The following PASK variants were observed in gnomAD, a reference collection of about 807,000 sequenced individuals.
The protein encoded by PASK is PAS domain-containing serine/threonine-protein kinase.
PASK carries 110 observed loss-of-function variants against 121.0 expected under a neutral mutation model. The ratio of observed to expected loss-of-function variants is 0.91; its 90% CI spans 0.78 to 1.06. PASK has a LOEUF of 1.06. Among genes scored for constraint, PASK ranks in the 50% least tolerant of loss-of-function variants. The pLI, the probability that PASK is intolerant of heterozygous loss-of-function variation, is 0.00. For synonymous variants in PASK, 686 were observed against 717.8 expected (o/e 0.96, Z 0.71); for missense variants, 1,643 against 1,702.3 (o/e 0.97, Z 0.61).
In PASK at chr2:241,127,026, G is replaced by C; in HGVS notation, c.1889C>G (p.Pro630Arg). The C allele has an allele frequency of 6.2e-7, 1 of 1,614,192 alleles. No individual in the cohort carries two copies. Among genetic ancestry groups the C allele is most frequent in the Non-Finnish European group, 8.5e-7 (1 of 1,180,034 alleles). ...WWRSQDLAPS[P>R]SGMAGLSFGT... ...AAACGAGAGGCCTGCCATCCCAGAG[G>C]GGCTGGGGGCCAAGTCCTGGCTTCG... The change falls in exon 10 of 18, where the codon CCC becomes CGC. Residue 630 changes from proline to arginine, a missense_variant. Physicochemically the swap from Pro to Arg is moderately radical, Grantham distance 103. Transcript: ENST00000234040.
chr2:241,114,332 A>T, intron 14 of PASK: 1 of 985,446 alleles, frequency 1.0e-6, no homozygotes, highest in South Asian at 4.7e-5. Flanking sequence ...TTAGAAATCG[A>T]GTTGTCCCCA....
At chr2:241,111,413 C>T (rs756733438) in intron 15 of PASK, among the ~76,000 whole-genome samples, 1 of 152,222 alleles carries the variant, frequency 6.6e-6, no homozygotes, top group African/African-American at 2.4e-5. Context: ...ATTCCAACCA[C>T]ACCTCTCTAA....
chr2:241,115,330 C>A lies in PASK; in HGVS notation c.3156G>T (p.Glu1052Asp). ...GCTCCACCCTGGATAGAATTGCGAT[C>A]TCTAAAGTAACTTTCCCAAGTTTGG... is the stretch of plus-strand genomic sequence containing the variant. Reference protein sequence around the residue: ...EDPKLGKVTLEIAILSRVEHA... With the variant: ...EDPKLGKVTLDIAILSRVEHA... The change falls in exon 13 of 18, where the codon GAG becomes GAT. Residue 1052 changes from glutamate (E) to aspartate (D), a missense_variant. Around this residue, in one of 3 missense-constraint regions of PASK, gnomAD observed 453 missense variants for 511.2 expected, o/e 0.89. Coordinates refer to ENST00000234040, the MANE Select transcript of PASK (RefSeq NM_015148.4). The A allele has an allele frequency of 6.2e-7, 1 of 1,614,022 alleles. No individual in the cohort carries two copies. Among genetic ancestry groups the A allele is most frequent in the South Asian group, 1.1e-5 (1 of 91,088 alleles).
intron 10 of PASK, among the ~76,000 whole-genome samples, chr2:241,125,066 C>T (rs776483232): frequency 6.6e-6 from 1 of 151,886 alleles, no homozygotes; most frequent in Non-Finnish European, 1.5e-5. Context: ...TTTGGGAGGC[C>T]GAGGCAGGTG....
chr2:241,106,712 G>C lies in PASK; in HGVS notation c.3826C>G (p.Leu1276Val). The stretch of plus-strand genomic sequence containing the variant: ...CCCATCTCCAGGCTCGCAGCGGACA[G>C]AACTCCACTTTCTGAAGAAACAAGA... ...FRVNKPESGV[L>V]SAASLEMGNR... Residue 1276 changes from leucine (L) to valine (V), a missense_variant, in exon 18 of 18, where the codon CTG becomes GTG. Leu to Val is a conservative substitution (Grantham distance 32). This residue lies in a region of PASK where 453 missense variants were observed against 511.2 expected (regional missense o/e 0.89). Coordinates refer to ENST00000234040, the MANE Select transcript of PASK (RefSeq NM_015148.4). The C allele has an allele frequency of 6.2e-7, 1 of 1,614,146 alleles. No individual in the cohort carries two copies. Among genetic ancestry groups the C allele is most frequent in the South Asian group, 1.1e-5 (1 of 91,086 alleles).
chr2:241,149,142 G>A (rs1056738920), intron 1 of PASK, among the ~76,000 whole-genome samples: 20 of 151,928 alleles, frequency 1.3e-4, no homozygotes, highest in Admixed American at 7.2e-4. Flanking sequence ...CGCCCACCGG[G>A]CAGGCTACAC....
chr2:241,130,620 G>A (rs140897923), intron 9 of PASK, among the ~76,000 whole-genome samples: 66 of 152,220 alleles, frequency 4.3e-4, no homozygotes, highest in African/African-American at 1.4e-3. Context: ...GAAAACTCAC[G>A]TGTTGAGCGC....
chr2:241,127,643 C>T (rs2065935714), intron 9 of PASK, 192 bp from the exon 10 acceptor site: 2 of 630,612 alleles, frequency 3.2e-6, no homozygotes, highest in Non-Finnish European at 5.7e-6. Context: ...ATTAAGTCCA[C>T]ATTTAGAAAT....
chr2:241,114,715 C>T (rs2065252075), intron 14 of PASK: 2 of 1,339,796 alleles, frequency 1.5e-6, no homozygotes, highest in South Asian at 3.9e-5. Flanking sequence ...CTTTGAGACG[C>T]TCTCTGGCTG....
At chr2:241,110,715 T>C (rs901845259) in intron 15 of PASK, among the ~76,000 whole-genome samples, 3 of 152,028 alleles carry the variant, frequency 2.0e-5, no homozygotes, top group African/African-American at 7.2e-5. Flanking sequence ...GCAGCAGGCA[T>C]CATGGGTCAG....
At chr2:241,133,052 A>G in intron 8 of PASK, 22 bp from the exon 9 acceptor site, 1 of 1,613,640 alleles carries the variant, frequency 6.2e-7, no homozygotes, top group Non-Finnish European at 8.5e-7. Context: ...ACCAAAAAAG[A>G]GCGTTTGCTC....
At chr2:241,132,339 A>G (rs2871578) in intron 9 of PASK, among the ~76,000 whole-genome samples, 46,431 of 151,290 alleles carry the variant, frequency 0.31, 7,976 homozygotes, top group African/African-American at 0.47. Flanking sequence ...CCTGGCCAAC[A>G]TGGTGAAACT....
At chr2:241,121,352 T>C (rs2065599854) in intron 12 of PASK, among the ~76,000 whole-genome samples, 1 of 152,166 alleles carries the variant, frequency 6.6e-6, no homozygotes, top group Non-Finnish European at 1.5e-5. Context: ...TATATCTCAA[T>C]ACCGATGCCA....
Position 241,112,704 on chromosome 2 carries a change from G to A in PASK, c.3334-265C>T. 1 of 428,672 alleles carries A rather than the reference G, an allele frequency of 2.3e-6. No homozygotes were observed. The highest frequency in any genetic ancestry group is 4.3e-6 in the Non-Finnish European group (1 of 234,262). 26.6% of individuals were successfully genotyped at this position (428,672 alleles called of 1,614,324 possible). ...ATGAGACTCGTGAGTTCTGTTTGCTGCTGAGAAAAGCTTCCCAGCAGACAC... is the reference window on the plus strand; with the variant it reads ...ATGAGACTCGTGAGTTCTGTTTGCTACTGAGAAAAGCTTCCCAGCAGACAC... On this transcript the variant is annotated intron_variant, in intron 14 of 17. Coordinates refer to ENST00000234040, the MANE Select transcript of PASK (RefSeq NM_015148.4). The surrounding 1 kb of genome is among the most constrained non-coding windows in gnomAD (Gnocchi z 5.2).
chr2:241,124,226 A>T, intron 10 of PASK, 93 bp from the exon 11 acceptor site: 2 of 996,104 alleles, frequency 2.0e-6, no homozygotes, highest in Non-Finnish European at 3.1e-6. Flanking sequence ...AGAATGCAAC[A>T]GTCCAATCCC....
rs576893084 is a variant in PASK at position 241,117,049 on chromosome 2, G to A, written c.3073-1636C>T. Among the ~76,000 whole-genome samples, 18 of 152,204 alleles carry A rather than the reference G, an allele frequency of 1.2e-4. No individual in the cohort carries two copies. In the South Asian group the frequency reaches 1.5e-3, roughly 12 times the overall value. On this transcript the variant is annotated intron_variant, in intron 12 of 17. Coordinates refer to ENST00000234040, the MANE Select transcript of PASK (RefSeq NM_015148.4). ...CGGGAGCACAGGACTGTGGCAGAGC[G>A]CACCTGAGCTGTGAGGAGGTGTGAG... is the stretch of plus-strand genomic sequence containing the variant.
At chr2:241,125,494 G>A (rs2065810709) in intron 10 of PASK, among the ~76,000 whole-genome samples, 1 of 151,520 alleles carries the variant, frequency 6.6e-6, no homozygotes, top group African/African-American at 2.4e-5. Context: ...CAGCTACTAG[G>A]GAGGCTGAGG....
Position 241,108,195 on chromosome 2 carries a change from G to C in PASK, c.3639C>G (p.Ala1213=). The change falls in exon 16 of 18, where the codon GCC becomes GCG. Residue 1213 remains alanine (A), a synonymous_variant. Coordinates refer to ENST00000234040, the MANE Select transcript of PASK (RefSeq NM_015148.4). This position sits in a 1 kb window ranked among gnomAD's most constrained non-coding sequence, Gnocchi z 5.2. ...FCELEETVEA[A]IHPPYLVSKE... ...TGGACACCAGGTATGGCGGGTGTAT[G>C]GCAGCCTCCACGGTCTCCTCCAGCT... 1.9e-6 allele frequency: 3 copies of C among 1,613,898 alleles called. No homozygotes were observed. Among genetic ancestry groups the C allele is most frequent in the Non-Finnish European group, 2.5e-6 (3 of 1,179,958 alleles).
chr2:241,121,604 C>A (rs2065614151), intron 12 of PASK, among the ~76,000 whole-genome samples: 1 of 152,084 alleles, frequency 6.6e-6, no homozygotes, highest in African/African-American at 2.4e-5. Context: ...AAAGCAAGAT[C>A]CAAGTGTATG....
Sources: gnomAD v4.1 joint callset for allele counts (sites outside exome capture counted in the v4.1 genomes callset) on GRCh38, gnomAD v4.1.1 for gene constraint, gnomAD v4.1.1 regional missense constraint, Gnocchi (gnomAD v3.1) non-coding constraint, MANE v1.5 for transcripts, NCBI Gene and HGNC (gene_info 2026-07-23, HGNC 2026-07-21) for gene names.